Variants in MAP2K4 observed in about 807,000 individuals in gnomAD.
MAP2K4 encodes dual specificity mitogen-activated protein kinase kinase 4.
A neutral mutation model predicts 48.5 loss-of-function variants in MAP2K4; 4 were observed. That is an observed-to-expected ratio of 0.08 (90% CI 0.04 to 0.19). The LOEUF (loss-of-function observed/expected upper bound fraction) is 0.19. Ranked by LOEUF, MAP2K4 falls within the 10% of genes least tolerant of loss-of-function variation. The probability of loss-of-function intolerance (pLI) is 1.00; values close to 1 mark genes in which losing one functional copy is unlikely to be tolerated. For synonymous variants in MAP2K4, 166 were observed against 173.1 expected (o/e 0.96, Z 0.32); for missense variants, 258 against 493.3 (o/e 0.52, Z 4.52).
chr17:12,140,940 G>A (rs566612081), intron 10 of MAP2K4, among the ~76,000 whole-genome samples: 1 of 152,056 alleles, frequency 6.6e-6, no homozygotes, highest in Non-Finnish European at 1.5e-5. Flanking sequence ...TCATTACCAC[G>A]TATCCTCTCT....
chr17:12,125,130 G>T, intron 7 of MAP2K4, 164 bp from the exon 8 acceptor site: 2 of 592,476 alleles, frequency 3.4e-6, no homozygotes, highest in South Asian at 2.1e-5. Flanking sequence ...TTTGTTGTTT[G>T]TTTTTATGAT....
intron 2 of MAP2K4, among the ~76,000 whole-genome samples, chr17:12,070,761 A>G (rs779056532): frequency 2.6e-5 from 4 of 152,210 alleles, no homozygotes; most frequent in Non-Finnish European, 4.4e-5. Context: ...GCATAGTTGC[A>G]GGAGACTAGT....
intron 2 of MAP2K4, among the ~76,000 whole-genome samples, chr17:12,063,520 CA>C (rs1224123018): frequency 3.3e-5 from 5 of 152,206 alleles, no homozygotes; most frequent in South Asian, 2.1e-4. Context: ...AAAGTAAAAG[CA>C]AAAACTCTAT....
At chr17:12,082,136 G>T in intron 3 of MAP2K4, 4 of 234,934 alleles carry the variant, frequency 1.7e-5, no homozygotes, top group East Asian at 1.1e-4. Context: ...CACTTAATAT[G>T]TTCATTAAAA....
At chr17:12,070,931 C>T in intron 2 of MAP2K4, among the ~76,000 whole-genome samples, 2 of 152,324 alleles carry the variant, frequency 1.3e-5, no homozygotes, top group South Asian at 4.1e-4. Flanking sequence ...GTTCTAGAGG[C>T]CAGAAATCTG....
chr17:12,027,684 C>T (rs980043295), intron 1 of MAP2K4, among the ~76,000 whole-genome samples: 4 of 152,070 alleles, frequency 2.6e-5, no homozygotes, highest in Admixed American at 1.3e-4. Flanking sequence ...GGCAGTTTCC[C>T]TGGGATCTGG....
chr17:12,064,525 C>G (rs535524359), intron 2 of MAP2K4, among the ~76,000 whole-genome samples: 1 of 152,262 alleles, frequency 6.6e-6, no homozygotes, highest in Admixed American at 6.5e-5. Flanking sequence ...AAAGGTGATA[C>G]CACTACACTT....
chr17:12,059,716 A>G (rs890294550), intron 2 of MAP2K4, among the ~76,000 whole-genome samples: 6 of 152,232 alleles, frequency 3.9e-5, no homozygotes, highest in African/African-American at 1.4e-4. Context: ...GTTGTGCTAT[A>G]GAACATCTAG....
At chr17:12,026,704 G>C (rs1230452561) in intron 1 of MAP2K4, among the ~76,000 whole-genome samples, 2 of 152,224 alleles carry the variant, frequency 1.3e-5, no homozygotes, top group South Asian at 2.1e-4. Flanking sequence ...TCTGAAGGAA[G>C]CATCTTTGCC....
chr17:12,065,238 T>C (rs1970572102), intron 2 of MAP2K4, among the ~76,000 whole-genome samples: 1 of 147,516 alleles, frequency 6.8e-6, no homozygotes, highest in Non-Finnish European at 1.5e-5. Context: ...TCCTGAACAA[T>C]AACAATTATA....
In MAP2K4 at chr17:12,081,256, T is replaced by C; in HGVS notation, c.219-100T>C. Reference sequence around the variant, plus strand: ...AAACCTGGAGGTCAGACTATTTTAGTAATTTAGAAAACATTTTTCCCACAC... The same window carrying C: ...AAACCTGGAGGTCAGACTATTTTAGCAATTTAGAAAACATTTTTCCCACAC... On this transcript the variant is annotated intron_variant, in intron 2 of 10. Transcript: ENST00000353533. This position sits in a 1 kb window ranked among gnomAD's most constrained non-coding sequence, Gnocchi z 4.2. The C allele has an allele frequency of 1.1e-6, 1 of 896,200 alleles. No individual in the cohort carries two copies. The highest frequency in any genetic ancestry group is 2.2e-5 in the South Asian group (1 of 46,372). 55.5% of individuals were successfully genotyped at this position (896,200 alleles called of 1,614,324 possible). A position where few individuals can be genotyped will look rare whatever the true frequency, so the allele number is the denominator to read the frequency against.
intron 2 of MAP2K4, among the ~76,000 whole-genome samples, chr17:12,061,876 A>G (rs1970457794): frequency 6.6e-6 from 1 of 151,160 alleles, no homozygotes; most frequent in African/African-American, 2.4e-5. Flanking sequence ...TTGCTATATG[A>G]AGGTAACTTT....
At chr17:12,134,544 GGT>G (rs1973141941) in intron 9 of MAP2K4, among the ~76,000 whole-genome samples, 1 of 152,124 alleles carries the variant, frequency 6.6e-6, no homozygotes, top group Non-Finnish European at 1.5e-5. Flanking sequence ...TGAGGTAAAT[GGT>G]AAGAGAGAAG....
At chr17:12,075,546 C>T (rs753551059) in intron 2 of MAP2K4, among the ~76,000 whole-genome samples, 2 of 152,164 alleles carry the variant, frequency 1.3e-5, no homozygotes, top group Non-Finnish European at 2.9e-5. Flanking sequence ...ACAAAACAAA[C>T]ACCTGGGCCA....
At chr17:12,043,688 T>G (rs1969868426) in intron 1 of MAP2K4, among the ~76,000 whole-genome samples, 1 of 152,128 alleles carries the variant, frequency 6.6e-6, no homozygotes, top group Non-Finnish European at 1.5e-5. Context: ...ATGGAAGAGA[T>G]AGGACCCTGT....
At chr17:12,124,551 C>G (rs1248124836) in intron 7 of MAP2K4, 1 of 152,106 alleles carries the variant, frequency 6.6e-6, no homozygotes, top group Non-Finnish European at 1.5e-5. Context: ...TTTTGTGTCT[C>G]AAATATATTG....
chr17:12,073,890 C>T (rs1970906203), intron 2 of MAP2K4, among the ~76,000 whole-genome samples: 1 of 151,712 alleles, frequency 6.6e-6, no homozygotes. Context: ...TCTACTGCCT[C>T]AGCCTCCCAA....
At chr17:12,036,801 T>G (rs1170295657) in intron 1 of MAP2K4, among the ~76,000 whole-genome samples, 2 of 152,128 alleles carry the variant, frequency 1.3e-5, no homozygotes, top group African/African-American at 4.8e-5. Context: ...TGTGTGCTAA[T>G]CAGAGTGATA....
intron 1 of MAP2K4, among the ~76,000 whole-genome samples, chr17:12,030,435 T>C (rs201105310): frequency 1.7e-4 from 26 of 152,326 alleles, no homozygotes; most frequent in African/African-American, 5.1e-4. Context: ...TCTATACTTA[T>C]GCTTTGAACA....
Sources: allele counts gnomAD v4.1 joint callset (sites outside exome capture counted in the v4.1 genomes callset), GRCh38; gene constraint gnomAD v4.1.1; non-coding constraint Gnocchi (gnomAD v3.1); transcripts MANE v1.5; gene names NCBI Gene and HGNC (gene_info 2026-07-23, HGNC 2026-07-21).